The following RBFOX2 variants were observed in gnomAD, a reference collection of about 807,000 sequenced individuals.
The protein encoded by RBFOX2 is RNA binding fox-1 homolog 2.
A neutral mutation model predicts 49.1 loss-of-function variants in RBFOX2; 10 were observed. The observed-to-expected ratio is 0.20, with a 90% CI of 0.13 to 0.35. The LOEUF (loss-of-function observed/expected upper bound fraction) is 0.35, where lower values mean the gene tolerates loss of function less well. RBFOX2 is among the 10% of genes least tolerant of loss of function. The probability of loss-of-function intolerance (pLI) is 1.00; values close to 1 mark genes in which losing one functional copy is unlikely to be tolerated. For synonymous variants in RBFOX2, 183 were observed against 187.4 expected (o/e 0.98, Z 0.19); for missense variants, 323 against 486.9 (o/e 0.66, Z 3.17).
intron 6 of RBFOX2, among the ~76,000 whole-genome samples, chr22:35,764,388 T>G (rs538550630): frequency 2.0e-5 from 3 of 151,994 alleles, no homozygotes; most frequent in Admixed American, 6.5e-5. Context: ...GTTGAGACCA[T>G]CCTGGCTAAC....
intron 2 of RBFOX2, among the ~76,000 whole-genome samples, chr22:35,783,677 C>T (rs892379998): frequency 1.3e-5 from 2 of 152,084 alleles, no homozygotes; most frequent in Non-Finnish European, 1.5e-5. Flanking sequence ...AATGACCTTC[C>T]GGGCCATAAA....
At chr22:35,983,388 G>C (rs577794196) in intron 1 of RBFOX2, among the ~76,000 whole-genome samples, 2 of 152,092 alleles carry the variant, frequency 1.3e-5, no homozygotes, top group African/African-American at 4.8e-5. Flanking sequence ...GACAGGAAAG[G>C]GATATAGTAA....
intron 1 of RBFOX2, among the ~76,000 whole-genome samples, chr22:35,858,741 G>C (rs1372213967): frequency 6.6e-6 from 1 of 150,454 alleles, no homozygotes; most frequent in Non-Finnish European, 1.5e-5. Context: ...CAGGAGAATC[G>C]CTTGAACCCG....
chr22:35,924,158 C>T (rs2051348337), intron 1 of RBFOX2, among the ~76,000 whole-genome samples: 2 of 152,238 alleles, frequency 1.3e-5, no homozygotes, highest in Admixed American at 6.5e-5. Flanking sequence ...GTCAGTATTC[C>T]ACCTGTTAGC....
chr22:36,022,766 T>C (rs1285233946), intron 1 of RBFOX2, among the ~76,000 whole-genome samples: 1 of 152,100 alleles, frequency 6.6e-6, no homozygotes, highest in Non-Finnish European at 1.5e-5. Flanking sequence ...AGTGCCCTTA[T>C]AAGAAGAGGA....
At chr22:35,753,962 TA>T (rs1453091448) in intron 9 of RBFOX2, among the ~76,000 whole-genome samples, 1 of 151,444 alleles carries the variant, frequency 6.6e-6, no homozygotes, top group Non-Finnish European at 1.5e-5. Flanking sequence ...TTTGTATTTT[TA>T]GTAGAGATGG....
chr22:35,846,330 TTGTG>T (rs35272106), intron 1 of RBFOX2, among the ~76,000 whole-genome samples: 2,154 of 140,152 alleles, frequency 0.015, 25 homozygotes, highest in East Asian at 0.045. Context: ...ATTTATATAG[TTGTG>T]TGTGTGTGTG....
chr22:35,992,193 C>G (rs1333360709), intron 1 of RBFOX2: 1 of 152,100 alleles, frequency 6.6e-6, no homozygotes, highest in African/African-American at 2.4e-5. Context: ...CTGAAATATA[C>G]AACTCAAAGT....
chr22:35,764,452 C>T (rs182072171), intron 6 of RBFOX2, among the ~76,000 whole-genome samples: 90 of 151,900 alleles, frequency 5.9e-4, no homozygotes, highest in Middle Eastern at 6.8e-3. Context: ...GGTGTGGTGG[C>T]GGGCGCCTGT....
chr22:35,793,587 T>C (rs1459142114), intron 2 of RBFOX2, among the ~76,000 whole-genome samples: 1 of 152,206 alleles, frequency 6.6e-6, no homozygotes, highest in African/African-American at 2.4e-5. Context: ...AAGACAATTA[T>C]AATCAATTGA....
At chr22:35,789,146 AGT>A (rs1947055752) in intron 2 of RBFOX2, among the ~76,000 whole-genome samples, 1 of 152,066 alleles carries the variant, frequency 6.6e-6, no homozygotes, top group East Asian at 1.9e-4. Context: ...GATCTGAGAC[AGT>A]GATATTTCTT....
chr22:35,959,274 C>T (rs1170231414), intron 1 of RBFOX2, among the ~76,000 whole-genome samples: 1 of 152,124 alleles, frequency 6.6e-6, no homozygotes, highest in African/African-American at 2.4e-5. Flanking sequence ...TGGATCCAGG[C>T]CAAATAGCTA....
chr22:35,774,351 T>C (rs1943386444), intron 4 of RBFOX2, among the ~76,000 whole-genome samples: 1 of 152,128 alleles, frequency 6.6e-6, no homozygotes, highest in Non-Finnish European at 1.5e-5. Context: ...CATAAACTCA[T>C]ATAATAATTT....
At chr22:35,760,980 C>T (rs1027725673) in intron 8 of RBFOX2, among the ~76,000 whole-genome samples, 1 of 152,098 alleles carries the variant, frequency 6.6e-6, no homozygotes, top group Non-Finnish European at 1.5e-5. Flanking sequence ...ATGCCCTTAC[C>T]CCCTCTACCT....
chr22:35,977,796 G>A (rs5756025), intron 1 of RBFOX2, among the ~76,000 whole-genome samples: 7,924 of 102,330 alleles, frequency 0.077, 350 homozygotes, highest in Non-Finnish European at 0.086. Context: ...ATGTGTATAC[G>A]TATAAAATCC....
intron 1 of RBFOX2, among the ~76,000 whole-genome samples, chr22:35,812,356 G>A (rs749766492): frequency 1.7e-4 from 26 of 151,246 alleles, no homozygotes; most frequent in Non-Finnish European, 3.1e-4. Context: ...GTCTATCTTC[G>A]TCACCCATCA....
intron 2 of RBFOX2, among the ~76,000 whole-genome samples, chr22:35,782,549 C>G (rs1251446662): frequency 6.6e-6 from 1 of 152,204 alleles, no homozygotes; most frequent in Non-Finnish European, 1.5e-5. Flanking sequence ...TCTTGATCTC[C>G]TGACCTTGTG....
intron 1 of RBFOX2, among the ~76,000 whole-genome samples, chr22:35,923,587 T>G (rs542750352): frequency 3.6e-4 from 55 of 152,270 alleles, no homozygotes; most frequent in African/African-American, 1.2e-3. Context: ...TTTTAATAAA[T>G]TGTGGCCAAG....
At chr22:35,856,567 C>T (rs2042531305) in intron 1 of RBFOX2, among the ~76,000 whole-genome samples, 1 of 151,462 alleles carries the variant, frequency 6.6e-6, no homozygotes, top group East Asian at 1.9e-4. Context: ...CTATATTACC[C>T]TGTGCACCAG....
Sources: gnomAD v4.1 joint callset for allele counts (sites outside exome capture counted in the v4.1 genomes callset) on GRCh38, gnomAD v4.1.1 for gene constraint, MANE v1.5 for transcripts, NCBI Gene and HGNC (gene_info 2026-07-23, HGNC 2026-07-21) for gene names.